Variants in BEGAIN observed in about 807,000 individuals in gnomAD.
BEGAIN encodes the protein brain-enriched guanylate kinase-associated protein.
BEGAIN carries 19 observed loss-of-function variants against 35.8 expected under a neutral mutation model. The ratio of observed to expected loss-of-function variants is 0.53; its 90% CI spans 0.37 to 0.78. The LOEUF (loss-of-function observed/expected upper bound fraction) is 0.78. Ranked by LOEUF, BEGAIN falls within the 30% of genes least tolerant of loss-of-function variation. The pLI, the probability that BEGAIN is intolerant of heterozygous loss-of-function variation, is 0.00. For missense variants in BEGAIN, 795 were observed against 853.6 expected, an observed-to-expected ratio of 0.93 and a Z score of 0.85; for synonymous variants, 462 against 388.6, an observed-to-expected ratio of 1.19 and a Z score of -2.22.
At chr14:100,546,788 A>G (rs1184783661) in intron 2 of BEGAIN, 126 bp from the exon 3 acceptor site, 62 of 556,156 alleles carry the variant, frequency 1.1e-4, no homozygotes, top group East Asian at 1.3e-4. Context: ...GCGCACACAC[A>G]CACACACACA....
At chr14:100,547,325 T>C (rs1176873142) in intron 2 of BEGAIN, 1 of 152,256 alleles carries the variant, frequency 6.6e-6, no homozygotes, top group African/African-American at 2.4e-5. Flanking sequence ...CTGCTCAAGT[T>C]CCCCTTCCTC....
chr14:100,558,963 G>A lies in BEGAIN; in HGVS notation c.71+8948C>T, dbSNP rs2034001655. On this transcript the variant is annotated intron_variant, in intron 2 of 6. Coordinates refer to ENST00000554140, the MANE Select transcript of BEGAIN (RefSeq NM_001385089.1). This position sits in a 1 kb window ranked among gnomAD's most constrained non-coding sequence, Gnocchi z 4.6. ...GCGCGTCCTGGAGATTGGTGTGGCC[G>A]GAGCCTGGGGCCTGGGGGTTGTTGG... is the stretch of plus-strand genomic sequence containing the variant. 6.6e-6 allele frequency among the ~76,000 whole-genome samples: 1 copy of A among 152,158 alleles called. No homozygotes were observed. The highest frequency in any genetic ancestry group is 2.4e-5 in the African/African-American group (1 of 41,442).
intron 1 of BEGAIN, chr14:100,577,313 G>A (rs749808567): frequency 1.0e-5 from 4 of 398,918 alleles, no homozygotes; most frequent in Admixed American, 8.8e-5. Context: ...AGACTCACCC[G>A]ACCTGGAGAC....
intron 2 of BEGAIN, among the ~76,000 whole-genome samples, chr14:100,554,459 C>T (rs1204129120): frequency 2.0e-5 from 3 of 152,152 alleles, no homozygotes; most frequent in Non-Finnish European, 4.4e-5. Context: ...CTCCTCCTCC[C>T]TTCCAGGCTG....
At chr14:100,561,270 G>C (rs974730368) in intron 2 of BEGAIN, among the ~76,000 whole-genome samples, 12 of 152,232 alleles carry the variant, frequency 7.9e-5, no homozygotes, top group Non-Finnish European at 4.4e-5. Flanking sequence ...CACCGCCCAA[G>C]GGGTGGGCAG....
chr14:100,562,478 C>A (rs1357207592), intron 2 of BEGAIN, among the ~76,000 whole-genome samples: 8 of 152,136 alleles, frequency 5.3e-5, no homozygotes, highest in Non-Finnish European at 8.8e-5. Flanking sequence ...CTGTCCCCAC[C>A]TCGGGGGAAG....
Position 100,563,796 on chromosome 14 carries a change from T to C in BEGAIN, c.71+4115A>G, listed in dbSNP as rs539489715. 1.5e-3 allele frequency among the ~76,000 whole-genome samples: 227 copies of C among 152,296 alleles called. No homozygotes were observed. The highest frequency in any genetic ancestry group is 5.2e-3 in the African/African-American group (215 of 41,542). ...GCCCAGGCTGCACAGTGCCCGGCAG[T>C]CTGCCAGGGAACAAACGGATTTCAG... On this transcript the variant is annotated intron_variant, in intron 2 of 6. Transcript: ENST00000554140. This position sits in a 1 kb window ranked among gnomAD's most constrained non-coding sequence, Gnocchi z 4.2.
At chr14:100,577,227 G>T in intron 1 of BEGAIN, 1 of 398,364 alleles carries the variant, frequency 2.5e-6, no homozygotes, top group South Asian at 1.3e-4. Flanking sequence ...ATGGGGTGTG[G>T]GGAGGGAACT....
chr14:100,571,473 G>C (rs959587809), intron 1 of BEGAIN, among the ~76,000 whole-genome samples: 3 of 152,228 alleles, frequency 2.0e-5, no homozygotes, highest in East Asian at 3.9e-4. Context: ...CCTTGGGCCC[G>C]GTCACAGAAA....
intron 2 of BEGAIN, among the ~76,000 whole-genome samples, chr14:100,559,908 G>C (rs577507257): frequency 4.7e-4 from 72 of 152,362 alleles, no homozygotes; most frequent in African/African-American, 1.7e-3. Flanking sequence ...TTGGAGGGAG[G>C]CGCCGGGGCC....
chr14:100,553,592 C>T (rs1022644392), intron 2 of BEGAIN, among the ~76,000 whole-genome samples: 3 of 152,152 alleles, frequency 2.0e-5, no homozygotes, highest in Non-Finnish European at 4.4e-5. Flanking sequence ...TCCATGCTGT[C>T]CTCTCCCCTG....
chr14:100,569,581 CCT>C lies in BEGAIN; in HGVS notation c.43-1644_43-1643del, dbSNP rs144617478. On this transcript the variant is annotated intron_variant, in intron 1 of 6. Coordinates refer to ENST00000554140, the MANE Select transcript of BEGAIN (RefSeq NM_001385089.1). ...TGGCTGTGAGCTCCCGGGCAGGAGC[CCT>C]GTGTTCTCACCAGGACACCCCCAGC... 403 of 154,708 alleles carry C rather than the reference CCT, an allele frequency of 2.6e-3. 7 individuals carry two copies. The East Asian group carries it at 0.032, about 12-fold the overall frequency. 9.6% of individuals were successfully genotyped at this position (154,708 alleles called of 1,614,324 possible). A position where few individuals can be genotyped will look rare whatever the true frequency, so the allele number is the denominator to read the frequency against.
rs916045645 is a variant in BEGAIN at position 100,558,218 on chromosome 14, C to T, written c.71+9693G>A. Among the ~76,000 whole-genome samples the T allele has an allele frequency of 2.6e-5, 4 of 152,178 alleles. No homozygotes were observed. The highest frequency in any genetic ancestry group is 9.7e-5 in the African/African-American group (4 of 41,440). On this transcript the variant is annotated intron_variant, in intron 2 of 6. Coordinates refer to ENST00000554140, the MANE Select transcript of BEGAIN (RefSeq NM_001385089.1). This position sits in a 1 kb window ranked among gnomAD's most constrained non-coding sequence, Gnocchi z 4.6. ...AAGTGTCTGACCTTTCTGCCTCTGC[C>T]TCCTTACTCCTAGCCTGCCGGGATG...
chr14:100,560,034 G>A (rs767961895), intron 2 of BEGAIN, among the ~76,000 whole-genome samples: 3 of 152,202 alleles, frequency 2.0e-5, no homozygotes, highest in African/African-American at 4.8e-5. Flanking sequence ...CACCAGCCGC[G>A]GGGGGCTGAG....
intron 2 of BEGAIN, among the ~76,000 whole-genome samples, chr14:100,552,042 C>T (rs958758966): frequency 3.9e-5 from 6 of 152,158 alleles, no homozygotes; most frequent in Non-Finnish European, 8.8e-5. Context: ...ATGGCCCGAC[C>T]AAGGCCAGCG....
intron 2 of BEGAIN, among the ~76,000 whole-genome samples, chr14:100,565,969 G>A (rs1263511903): frequency 6.6e-6 from 1 of 152,204 alleles, no homozygotes; most frequent in African/African-American, 2.4e-5. Flanking sequence ...TTTTGGTTCT[G>A]AATCCCAGGC....
chr14:100,574,103 G>A (rs1159244171), intron 1 of BEGAIN, among the ~76,000 whole-genome samples: 1 of 152,210 alleles, frequency 6.6e-6, no homozygotes, highest in Non-Finnish European at 1.5e-5. Context: ...CATCCCCAAG[G>A]GCCTCGCTGG....
chr14:100,538,195 C>G lies in BEGAIN; in HGVS notation c.1613G>C (p.Gly538Ala). 6.4e-7 allele frequency: 1 copy of G among 1,550,894 alleles called. No individual in the cohort carries two copies. The highest frequency in any genetic ancestry group is 8.7e-7 in the Non-Finnish European group (1 of 1,152,912). The change falls in exon 7 of 7, where the codon GGG becomes GCG. Residue 538 changes from glycine (G) to alanine (A), a missense_variant. Physicochemically the swap from Gly to Ala is moderately conservative, Grantham distance 60. This residue lies in a region of BEGAIN where 664 missense variants were observed against 647.7 expected (regional missense o/e 1.03). Transcript: ENST00000554140. ...CTGCACCCCGAGCCTGTCCCCGTCC[C>G]CCCCCTCGCTGGGTGCATAGCCGGG... ...PLPGYAPSEGGDGDRLGVQLC... is the reference protein window; with the variant it reads ...PLPGYAPSEGADGDRLGVQLC...
chr14:100,545,535 G>C, intron 3 of BEGAIN: 1 of 681,464 alleles, frequency 1.5e-6, no homozygotes, highest in African/African-American at 2.0e-5. Flanking sequence ...CTGCCGGGTA[G>C]GAGGAGTGGA....
Sources: allele counts gnomAD v4.1 joint callset (sites outside exome capture counted in the v4.1 genomes callset), GRCh38; gene constraint gnomAD v4.1.1; regional missense constraint gnomAD v4.1.1; non-coding constraint Gnocchi (gnomAD v3.1); transcripts MANE v1.5; gene names NCBI Gene and HGNC (gene_info 2026-07-23, HGNC 2026-07-21).